The following HACD4 variants were observed in gnomAD, a reference collection of about 807,000 sequenced individuals.
HACD4 encodes 3-hydroxyacyl-CoA dehydratase 4.
Under a neutral mutation model 33.3 loss-of-function variants are expected in HACD4, and 35 were observed. The observed-to-expected ratio is 1.05, with a 90% CI of 0.80 to 1.39. The LOEUF is 1.39. Ranked by LOEUF, HACD4 falls within the 40% of genes most tolerant of loss-of-function variation. The pLI is 0.00. For synonymous variants in HACD4, 118 were observed against 98.0 expected, an observed-to-expected ratio of 1.20 and a Z score of -1.21; for missense variants, 323 against 276.5, an observed-to-expected ratio of 1.17 and a Z score of -1.19.
chr9:21,001,721 A>G lies in HACD4; in HGVS notation c.*5316T>C, dbSNP rs928189717. 3 of 152,130 alleles carry G rather than the reference A, an allele frequency of 2.0e-5. No individual in the cohort carries two copies. The highest frequency in any genetic ancestry group is 7.2e-5 in the African/African-American group (3 of 41,440). 9.4% of individuals were successfully genotyped at this position (152,130 alleles called of 1,614,324 possible). On this transcript the variant is annotated 3_prime_UTR_variant, in exon 7 of 7. Transcript: ENST00000495827. ...CAGAATGCAGTGAGCTCACATATTC[A>G]AAGTGTTAGGAAAAAAATATATCAT...
chr9:21,023,545 C>A (rs1241674003), intron 3 of HACD4, among the ~76,000 whole-genome samples: 4 of 151,050 alleles, frequency 2.6e-5, no homozygotes, highest in East Asian at 2.0e-4. Flanking sequence ...CAGTTCCCCC[C>A]AAGAAGAATT....
intron 3 of HACD4, among the ~76,000 whole-genome samples, 180 bp from the exon 4 acceptor site, chr9:21,016,190 T>G (rs1842551566): frequency 6.6e-6 from 1 of 152,234 alleles, no homozygotes; most frequent in South Asian, 2.1e-4. Context: ...CAGTTCCTCA[T>G]TTGTCTATAT....
rs1026787737 is a variant in HACD4 at position 21,001,140 on chromosome 9, C to G, written c.*5897G>C. Reference sequence around the variant, plus strand: ...CTTGATGGTGGATCCACTAAAGGCTCTACAACGACTGCCTTAAGGATGTTT... The same window carrying G: ...CTTGATGGTGGATCCACTAAAGGCTGTACAACGACTGCCTTAAGGATGTTT... On this transcript the variant is annotated 3_prime_UTR_variant, in exon 7 of 7. Coordinates refer to ENST00000495827, the MANE Select transcript of HACD4 (RefSeq NM_001010915.5). 3.3e-5 allele frequency: 5 copies of G among 151,994 alleles called. No individual in the cohort carries two copies. Among genetic ancestry groups the G allele is most frequent in the African/African-American group, 1.2e-4 (5 of 41,420 alleles). The allele number at this position is 151,994 out of a possible 1,614,324, so 9.4% of individuals were successfully genotyped here.
chr9:21,021,737 A>G (rs1817919042), intron 3 of HACD4, among the ~76,000 whole-genome samples: 1 of 152,204 alleles, frequency 6.6e-6, no homozygotes, highest in Admixed American at 6.5e-5. Context: ...AGAGGACACA[A>G]ACAAATGGAA....
intron 5 of HACD4, 81 bp downstream of exon 5, chr9:21,011,508 T>A: frequency 2.4e-6 from 2 of 832,504 alleles, no homozygotes; most frequent in Non-Finnish European, 4.1e-6. Context: ...AATAGTAATT[T>A]AATCATCAAA....
rs372030034 is a variant in HACD4, at chr9:20,999,944, A to C, written c.*7093T>G. The C allele has an allele frequency of 2.6e-5, 4 of 152,318 alleles. No individual in the cohort carries two copies. The highest frequency in any genetic ancestry group is 9.6e-5 in the African/African-American group (4 of 41,588). 9.4% of individuals were successfully genotyped at this position (152,318 alleles called of 1,614,324 possible). On this transcript the variant is annotated 3_prime_UTR_variant, in exon 7 of 7. Coordinates refer to ENST00000495827, the MANE Select transcript of HACD4 (RefSeq NM_001010915.5). ...TTTATAATTTGCAAAAGTTTAATTTACCATATGTCATTTAGTCTTCATAAT... is the reference window on the plus strand; with the variant it reads ...TTTATAATTTGCAAAAGTTTAATTTCCCATATGTCATTTAGTCTTCATAAT...
intron 6 of HACD4, 48 bp downstream of exon 6, chr9:21,007,973 C>G: frequency 6.5e-7 from 1 of 1,539,284 alleles, no homozygotes; most frequent in Non-Finnish European, 8.7e-7. Context: ...AAGCACTAAC[C>G]AAAAAGTACA....
chr9:21,027,748 C>T (rs1280243643), intron 2 of HACD4, among the ~76,000 whole-genome samples: 1 of 152,184 alleles, frequency 6.6e-6, no homozygotes, highest in Admixed American at 6.5e-5. Context: ...TGAAACCACA[C>T]TTAGTTGTTT....
At chr9:21,008,226 A>C in intron 5 of HACD4, 80 bp from the exon 6 acceptor site, 1 of 1,214,822 alleles carries the variant, frequency 8.2e-7, no homozygotes, top group Non-Finnish European at 1.1e-6. Context: ...TCATAGTTGT[A>C]GGATATTTTG....
intron 3 of HACD4, among the ~76,000 whole-genome samples, chr9:21,022,094 A>G (rs1043246329): frequency 6.6e-6 from 1 of 152,364 alleles, no homozygotes; most frequent in East Asian, 1.9e-4. Context: ...CAACCATCTG[A>G]TCTTTGACAA....
chr9:21,008,884 G>C (rs566659371), intron 5 of HACD4, among the ~76,000 whole-genome samples: 2 of 151,922 alleles, frequency 1.3e-5, no homozygotes, highest in Non-Finnish European at 2.9e-5. Context: ...ATTTCTTATG[G>C]GTCAAAATTA....
chr9:21,008,844 G>A (rs1021682654), intron 5 of HACD4, among the ~76,000 whole-genome samples: 1 of 151,980 alleles, frequency 6.6e-6, no homozygotes, highest in East Asian at 1.9e-4. Flanking sequence ...CTGGGTGAAG[G>A]GTACATGGGA....
intron 4 of HACD4, among the ~76,000 whole-genome samples, chr9:21,013,833 T>C (rs1220855883): frequency 3.3e-5 from 5 of 152,232 alleles, no homozygotes; most frequent in East Asian, 1.9e-4. Context: ...TTTTTACATA[T>C]TGATAATTTT....
chr9:21,013,037 A>G (rs922063626), intron 4 of HACD4, among the ~76,000 whole-genome samples: 4 of 150,392 alleles, frequency 2.7e-5, no homozygotes, highest in Admixed American at 6.7e-5. Flanking sequence ...ACTGGACTCC[A>G]GCCTGGGTGA....
intron 3 of HACD4, among the ~76,000 whole-genome samples, chr9:21,017,242 C>G (rs1284993062): frequency 6.6e-6 from 1 of 152,116 alleles, no homozygotes; most frequent in Non-Finnish European, 1.5e-5. Flanking sequence ...GATTTGCCAA[C>G]AGTGGGCCAC....
intron 4 of HACD4, 141 bp from the exon 5 acceptor site, chr9:21,011,836 G>C: frequency 1.8e-6 from 1 of 548,134 alleles, no homozygotes; most frequent in East Asian, 3.1e-5. Flanking sequence ...TTAAGGAAGA[G>C]TTTTTTTTAA....
intron 3 of HACD4, among the ~76,000 whole-genome samples, chr9:21,024,887 T>C (rs542039274): frequency 6.6e-6 from 1 of 152,230 alleles, no homozygotes. Flanking sequence ...TCATTCCAGA[T>C]GATAGAACAC....
Position 21,026,712 on chromosome 9 carries a change from C to A in HACD4, c.154G>T (p.Asp52Tyr). The A allele has an allele frequency of 6.2e-7, 1 of 1,613,484 alleles. No individual in the cohort carries two copies. The highest frequency in any genetic ancestry group is 1.1e-5 in the South Asian group (1 of 90,964). Residue 52 changes from aspartate (D) to tyrosine (Y), a missense_variant, in exon 3 of 7, where the codon GAC becomes TAC. Coordinates refer to ENST00000495827, the MANE Select transcript of HACD4 (RefSeq NM_001010915.5). ...FFSFGKDSMV[D>Y]TFYAIGLVMR... ...ACAAGTCCAATAGCATAAAAAGTGT[C>A]AACCATTGAATCTGTATCCCGTGGG...
intron 5 of HACD4, among the ~76,000 whole-genome samples, chr9:21,009,578 T>TTGTATTTTAATTGGCAAATC (rs1842361382): frequency 6.6e-6 from 1 of 152,314 alleles, no homozygotes; most frequent in South Asian, 2.1e-4. Flanking sequence ...ATTGTATACA[T>TTGTATTTTAATTGGCAAATC]ATATGAAGCA....
Sources: allele counts gnomAD v4.1 joint callset (sites outside exome capture counted in the v4.1 genomes callset), GRCh38; gene constraint gnomAD v4.1.1; transcripts MANE v1.5; gene names NCBI Gene and HGNC (gene_info 2026-07-23, HGNC 2026-07-21).